ENKUR: variants seen among roughly 807,000 people sequenced by gnomAD.
ENKUR encodes enkurin, TRPC channel interacting protein, also known as enkurin.
A neutral mutation model predicts 27.6 loss-of-function variants in ENKUR; 19 were observed. The ratio of observed to expected loss-of-function variants is 0.69; its 90% CI spans 0.48 to 1.01. ENKUR has a LOEUF of 1.01. ENKUR is among the 50% of genes least tolerant of loss of function. ENKUR has a pLI of 0.00. For missense variants in ENKUR, 312 were observed against 310.5 expected, an observed-to-expected ratio of 1.00 and a Z score of -0.04; for synonymous variants, 117 against 96.9, an observed-to-expected ratio of 1.21 and a Z score of -1.22.
At chr10:25,061,832 C>A (rs1228487980) in intron 1 of ENKUR, among the ~76,000 whole-genome samples, 4 of 152,154 alleles carry the variant, frequency 2.6e-5, no homozygotes, top group Non-Finnish European at 4.4e-5. Context: ...TAGTCTGAGG[C>A]GTGACTGCTG....
intron 2 of ENKUR, chr10:25,025,297 C>T (rs1168399617): frequency 1.2e-6 from 2 of 1,614,158 alleles, no homozygotes; most frequent in Non-Finnish European, 1.7e-6. Flanking sequence ...ATCAAGTCAG[C>T]TCTATTTGCT....
chr10:24,985,742 A>G (rs1263712069), intron 4 of ENKUR, among the ~76,000 whole-genome samples: 3 of 152,246 alleles, frequency 2.0e-5, no homozygotes, highest in African/African-American at 7.2e-5. Flanking sequence ...ATGAAATTTT[A>G]TAAGTCAACA....
chr10:25,060,856 T>TGCCA (rs1422901158), intron 2 of ENKUR, among the ~76,000 whole-genome samples: 1 of 152,062 alleles, frequency 6.6e-6, no homozygotes, highest in East Asian at 1.9e-4. Flanking sequence ...TACAGGTGTG[T>TGCCA]GCCACTATGT....
chr10:25,061,789 T>C (rs898121820), intron 1 of ENKUR, among the ~76,000 whole-genome samples: 1 of 152,132 alleles, frequency 6.6e-6, no homozygotes, highest in African/African-American at 2.4e-5. Flanking sequence ...CATTCTTCTC[T>C]CCCTTCATCT....
intron 2 of ENKUR, among the ~76,000 whole-genome samples, chr10:25,051,178 G>T (rs751947698): frequency 6.6e-6 from 1 of 152,188 alleles, no homozygotes; most frequent in African/African-American, 2.4e-5. Context: ...TGATTTAAGG[G>T]TTTTATAGTT....
chr10:25,035,494 G>A (rs1179616358), intron 2 of ENKUR, among the ~76,000 whole-genome samples: 1 of 151,934 alleles, frequency 6.6e-6, no homozygotes, highest in African/African-American at 2.4e-5. Context: ...GGTGGAGGTT[G>A]CAGTGAGCTG....
intron 2 of ENKUR, among the ~76,000 whole-genome samples, chr10:25,041,282 C>T (rs1851061382): frequency 6.6e-6 from 1 of 152,082 alleles, no homozygotes; most frequent in Non-Finnish European, 1.5e-5. Context: ...CCTTGTATGT[C>T]CTGTGTCTTT....
At chr10:25,012,606 G>A (rs1003432672) in intron 1 of ENKUR, among the ~76,000 whole-genome samples, 3 of 152,210 alleles carry the variant, frequency 2.0e-5, no homozygotes, top group East Asian at 3.8e-4. Context: ...ATCTGGACTT[G>A]CAAGGGGCCT....
At chr10:25,007,146 A>G (rs113844360) in intron 1 of ENKUR, among the ~76,000 whole-genome samples, 1 of 152,172 alleles carries the variant, frequency 6.6e-6, no homozygotes, top group Admixed American at 6.5e-5. Context: ...CAGTGATTAT[A>G]ACAGACTGAC....
intron 1 of ENKUR, among the ~76,000 whole-genome samples, chr10:25,011,685 T>C (rs891455643): frequency 3.9e-5 from 6 of 152,182 alleles, no homozygotes; most frequent in Non-Finnish European, 8.8e-5. Context: ...AAGGTTTTCA[T>C]GTCTAAAACA....
chr10:25,046,566 A>G (rs894150375), intron 2 of ENKUR, among the ~76,000 whole-genome samples: 8 of 152,188 alleles, frequency 5.3e-5, no homozygotes, highest in Non-Finnish European at 2.9e-5. Flanking sequence ...TGGGCAAGTG[A>G]TTTAATCTCT....
At chr10:25,025,353 G>A (rs1355513841) in intron 2 of ENKUR, 2 of 1,613,054 alleles carry the variant, frequency 1.2e-6, no homozygotes, top group African/African-American at 2.7e-5. Context: ...CTTTATTAGA[G>A]AGAACAAAAC....
chr10:24,984,693 T>G, intron 5 of ENKUR, 43 bp downstream of exon 5: 1 of 1,521,820 alleles, frequency 6.6e-7, no homozygotes, highest in East Asian at 2.3e-5. Flanking sequence ...CATGTTTTTT[T>G]CCCCTACATT....
At chr10:25,023,179 T>A in intron 2 of ENKUR, 1 of 1,561,468 alleles carries the variant, frequency 6.4e-7, no homozygotes, top group Admixed American at 1.9e-5. Context: ...TGAAAAGGGC[T>A]AAAGCCAATT....
At chr10:25,008,250 A>G (rs952539626) in intron 1 of ENKUR, among the ~76,000 whole-genome samples, 3 of 152,146 alleles carry the variant, frequency 2.0e-5, no homozygotes, top group Non-Finnish European at 1.5e-5. Flanking sequence ...ATGACAAACA[A>G]AAAGAGACTT....
chr10:25,016,333 A>G (rs1216324900), upstream of ENKUR, among the ~76,000 whole-genome samples: 2 of 152,158 alleles, frequency 1.3e-5, no homozygotes, highest in Non-Finnish European at 2.9e-5. Flanking sequence ...CCCCTTAAAA[A>G]CTGTGCTCTT....
intron 1 of ENKUR, among the ~76,000 whole-genome samples, chr10:25,005,871 G>C (rs1850301362): frequency 6.6e-6 from 1 of 152,086 alleles, no homozygotes; most frequent in South Asian, 2.1e-4. Flanking sequence ...AATAATATGT[G>C]GAATATCAAA....
At chr10:24,989,277 G>C (rs1849873402) in intron 4 of ENKUR, among the ~76,000 whole-genome samples, 2 of 152,162 alleles carry the variant, frequency 1.3e-5, no homozygotes. Flanking sequence ...CTTCCTGCCT[G>C]TCTGCCTTCC....
intron 4 of ENKUR, among the ~76,000 whole-genome samples, chr10:24,986,060 A>G (rs1849772410): frequency 6.6e-6 from 1 of 152,162 alleles, no homozygotes; most frequent in African/African-American, 2.4e-5. Context: ...CAGAGCAGAG[A>G]CCCTGCCTGA....
Sources: allele counts gnomAD v4.1 joint callset (sites outside exome capture counted in the v4.1 genomes callset), GRCh38; gene constraint gnomAD v4.1.1; transcripts MANE v1.5; gene names NCBI Gene and HGNC (gene_info 2026-07-23, HGNC 2026-07-21).